ADAMTS19: variants seen among roughly 807,000 people sequenced by gnomAD.
The protein encoded by ADAMTS19 is A disintegrin and metalloproteinase with thrombospondin motifs 19.
A neutral mutation model predicts 153.3 loss-of-function variants in ADAMTS19; 93 were observed. The ratio of observed to expected loss-of-function variants is 0.61; its 90% CI spans 0.51 to 0.72. ADAMTS19 has a LOEUF of 0.72. ADAMTS19 is among the 30% of genes least tolerant of loss of function. ADAMTS19 has a pLI of 0.00. For missense variants in ADAMTS19, 1,482 were observed against 1,552.1 expected, an observed-to-expected ratio of 0.95 and a Z score of 0.76; for synonymous variants, 600 against 556.6, an observed-to-expected ratio of 1.08 and a Z score of -1.10.
intron 6 of ADAMTS19, among the ~76,000 whole-genome samples, chr5:129,532,166 A>T (rs1197158529): frequency 1.3e-5 from 2 of 149,144 alleles, no homozygotes; most frequent in African/African-American, 2.6e-5. Context: ...TGGAATTTTT[A>T]AAAATGAAAA....
intron 15 of ADAMTS19, 60 bp downstream of exon 15, chr5:129,658,797 A>G: frequency 1.3e-6 from 2 of 1,489,236 alleles, no homozygotes; most frequent in Non-Finnish European, 1.8e-6. Flanking sequence ...AACACAGATT[A>G]TATTGAATTT....
At chr5:129,699,886 T>A (rs1048574690) in intron 19 of ADAMTS19, among the ~76,000 whole-genome samples, 4 of 152,216 alleles carry the variant, frequency 2.6e-5, no homozygotes, top group Admixed American at 2.6e-4. Flanking sequence ...ATCCTGAACC[T>A]ATTGTATATC....
intron 11 of ADAMTS19, among the ~76,000 whole-genome samples, chr5:129,644,812 T>G (rs1027951455): frequency 2.6e-5 from 4 of 152,192 alleles, no homozygotes; most frequent in African/African-American, 9.6e-5. Context: ...AACCTTAGAC[T>G]GTTTGGAAGG....
intron 7 of ADAMTS19, among the ~76,000 whole-genome samples, chr5:129,571,950 T>A (rs774347800): frequency 6.6e-6 from 1 of 151,716 alleles, no homozygotes; most frequent in Non-Finnish European, 1.5e-5. Context: ...AAATTGAATA[T>A]CAGTATGCAA....
chr5:129,461,120 A>C lies in ADAMTS19; in HGVS notation c.110A>C (p.Asp37Ala). 1 of 1,418,894 alleles carries C rather than the reference A, an allele frequency of 7.0e-7. No homozygotes were observed. The highest frequency in any genetic ancestry group is 9.2e-7 in the Non-Finnish European group (1 of 1,084,656). The allele number at this position is 1,418,894 out of a possible 1,614,324, so 87.9% of individuals were successfully genotyped here. A position where few individuals can be genotyped will look rare whatever the true frequency, so the allele number is the denominator to read the frequency against. Residue 37 changes from aspartate (D) to alanine (A), a missense_variant, in exon 2 of 23, where the codon GAC (aspartate) becomes GCC (alanine). Physicochemically the swap from Asp to Ala is moderately radical, Grantham distance 126. Around this residue, in one of 2 missense-constraint regions of ADAMTS19, gnomAD observed 866 missense variants for 827.7 expected, o/e 1.05. Transcript: ENST00000274487. The surrounding 1 kb of genome is among the most constrained non-coding windows in gnomAD (Gnocchi z 4.6). ...GIVSELQFAP[D>A]REEWEVVFPA... ...CCCGCAGAGCTGCAGTTCGCCCCCG[A>C]CCGCGAGGAGTGGGAAGTCGTGTTT... is the stretch of plus-strand genomic sequence containing the variant.
rs1749682459 is a variant in ADAMTS19, at chr5:129,461,817, G to A, written c.747+60G>A. On this transcript the variant is annotated intron_variant, in intron 2 of 22. Coordinates refer to ENST00000274487, the MANE Select transcript of ADAMTS19 (RefSeq NM_133638.6). The surrounding 1 kb of genome is among the most constrained non-coding windows in gnomAD (Gnocchi z 4.6). Reference sequence around the variant, plus strand: ...CCTGCTGCTCCTCTCCTTGCCCATAGGTCAGGATGATTTGCATGCACCTTC... The same window carrying A: ...CCTGCTGCTCCTCTCCTTGCCCATAAGTCAGGATGATTTGCATGCACCTTC... 1 of 1,457,666 alleles carries A rather than the reference G, an allele frequency of 6.9e-7. No homozygotes were observed. The highest frequency in any genetic ancestry group is 1.5e-5 in the African/African-American group (1 of 68,434). The allele number at this position is 1,457,666 out of a possible 1,614,324, so 90.3% of individuals were successfully genotyped here.
chr5:129,462,052 C>T (rs78607514), intron 2 of ADAMTS19, among the ~76,000 whole-genome samples: 2,190 of 152,318 alleles, frequency 0.014, 42 homozygotes, highest in African/African-American at 0.048. Context: ...AATGGCTCAA[C>T]TTCTTTCTGT....
chr5:129,717,626 C>T (rs532916078), intron 21 of ADAMTS19, among the ~76,000 whole-genome samples: 1 of 152,304 alleles, frequency 6.6e-6, no homozygotes, highest in East Asian at 1.9e-4. Context: ...TCTTTTGTGT[C>T]GTCTTGAATC....
intron 7 of ADAMTS19, among the ~76,000 whole-genome samples, chr5:129,554,682 G>GAATATGTGAGTC (rs1270040873): frequency 5.3e-5 from 8 of 152,058 alleles, no homozygotes; most frequent in Admixed American, 2.6e-4. Context: ...TTGGGTTTCT[G>GAATATGTGAGTC]AATATGTGAG....
At chr5:129,471,007 T>G (rs1447366107) in intron 2 of ADAMTS19, among the ~76,000 whole-genome samples, 1 of 151,342 alleles carries the variant, frequency 6.6e-6, no homozygotes, top group Non-Finnish European at 1.5e-5. Flanking sequence ...CATCAGCCAT[T>G]TGACCATGCT....
At chr5:129,582,332 C>G (rs1050685535) in intron 7 of ADAMTS19, among the ~76,000 whole-genome samples, 1 of 151,156 alleles carries the variant, frequency 6.6e-6, no homozygotes, top group Admixed American at 6.6e-5. Context: ...TTGCGTTGAT[C>G]CCTTTACCAT....
At chr5:129,535,160 A>G (rs1372740854) in intron 6 of ADAMTS19, among the ~76,000 whole-genome samples, 1 of 152,160 alleles carries the variant, frequency 6.6e-6, no homozygotes, top group Non-Finnish European at 1.5e-5. Context: ...TATATCTAGA[A>G]AACCCCATCA....
At chr5:129,578,139 T>C (rs1167149646) in intron 7 of ADAMTS19, among the ~76,000 whole-genome samples, 2 of 119,064 alleles carry the variant, frequency 1.7e-5, no homozygotes, top group Admixed American at 8.2e-5. Flanking sequence ...TACATATACC[T>C]ATATGCATGT....
chr5:129,537,930 A>G (rs1037553674), intron 6 of ADAMTS19, among the ~76,000 whole-genome samples: 3 of 152,026 alleles, frequency 2.0e-5, no homozygotes, highest in Non-Finnish European at 4.4e-5. Flanking sequence ...TAATAATAAT[A>G]ATGATAATAA....
chr5:129,715,418 TATC>T (rs1234859046), intron 21 of ADAMTS19, among the ~76,000 whole-genome samples: 4 of 152,212 alleles, frequency 2.6e-5, no homozygotes, highest in African/African-American at 9.6e-5. Context: ...TTGAATTCTG[TATC>T]TTCTAAGTTA....
At chr5:129,465,663 T>C (rs773648343) in intron 2 of ADAMTS19, among the ~76,000 whole-genome samples, 3 of 152,142 alleles carry the variant, frequency 2.0e-5, no homozygotes, top group Non-Finnish European at 2.9e-5. Flanking sequence ...CAGTTAGCAG[T>C]GTGAAAGCTG....
At chr5:129,721,661 C>T (rs576499566) in intron 21 of ADAMTS19, among the ~76,000 whole-genome samples, 4 of 152,150 alleles carry the variant, frequency 2.6e-5, no homozygotes, top group South Asian at 2.1e-4. Flanking sequence ...CATAGGTAAA[C>T]GTGTGCCATG....
At chr5:129,483,636 T>C (rs1009077725) in intron 2 of ADAMTS19, among the ~76,000 whole-genome samples, 2 of 152,158 alleles carry the variant, frequency 1.3e-5, no homozygotes, top group African/African-American at 4.8e-5. Context: ...GTGTCAGATA[T>C]ACTACTACAT....
chr5:129,563,643 T>A (rs929114092), intron 7 of ADAMTS19, among the ~76,000 whole-genome samples: 5 of 152,188 alleles, frequency 3.3e-5, no homozygotes, highest in African/African-American at 1.2e-4. Context: ...TAAACTTTTA[T>A]AAAAAATATT....
Sources: gnomAD v4.1 joint callset for allele counts (sites outside exome capture counted in the v4.1 genomes callset) on GRCh38, gnomAD v4.1.1 for gene constraint, gnomAD v4.1.1 regional missense constraint, Gnocchi (gnomAD v3.1) non-coding constraint, MANE v1.5 for transcripts, NCBI Gene and HGNC (gene_info 2026-07-23, HGNC 2026-07-21) for gene names.